Variants in RNF17 observed in about 807,000 individuals in gnomAD.
The protein encoded by RNF17 is ring finger protein 17, also known as spermatogenesis associated 23.
RNF17 carries 31 observed loss-of-function variants against 200.5 expected under a neutral mutation model. The observed-to-expected ratio is 0.15, with a 90% CI of 0.12 to 0.21. The LOEUF (loss-of-function observed/expected upper bound fraction) is 0.21, where lower values mean the gene tolerates loss of function less well. Among genes scored for constraint, RNF17 ranks in the 10% least tolerant of loss-of-function variants. The pLI is 1.00. For synonymous variants in RNF17, 606 were observed against 637.8 expected (o/e 0.95, Z 0.75); for missense variants, 1,628 against 1,905.1 (o/e 0.85, Z 2.71).
chr13:24,749,916 AT>A, the RNF17 span, among the ~76,000 whole-genome samples: 1 of 151,934 alleles, frequency 6.6e-6, no homozygotes, highest in South Asian at 2.1e-4. Context: ...CACCCAGCTA[AT>A]TTTTTTGTAT....
At chr13:24,838,723 G>A (rs1890283738) in intron 18 of RNF17, among the ~76,000 whole-genome samples, 1 of 152,118 alleles carries the variant, frequency 6.6e-6, no homozygotes, top group Non-Finnish European at 1.5e-5. Flanking sequence ...AATTCTGAAT[G>A]GGGAAAAGTT....
chr13:24,883,242 A>ACTT, downstream of RNF17: 2 of 1,614,080 alleles, frequency 1.2e-6, no homozygotes, highest in Admixed American at 1.7e-5. Flanking sequence ...CCGGATCTGT[A>ACTT]CTTCGTTTCT....
intron 6 of RNF17, among the ~76,000 whole-genome samples, chr13:24,783,946 T>TAAA (rs1882767591): frequency 6.6e-6 from 1 of 152,240 alleles, no homozygotes; most frequent in African/African-American, 2.4e-5. Context: ...GTACGTCTTG[T>TAAA]GCCTAATGTT....
chr13:24,764,235 C>G lies in RNF17; in HGVS notation c.32C>G (p.Ser11Cys), dbSNP rs935582605. 3.7e-6 allele frequency: 6 copies of G among 1,607,118 alleles called. No homozygotes were observed. Among genetic ancestry groups the G allele is most frequent in the Middle Eastern group, 1.7e-4 (1 of 6,032 alleles). ...GCAGAGGCTTCGAAGACTGGGCCTT[C>G]TAGGTCTTCCTACCAGCGAATGGGG... MAAEASKTGP[S>C]RSSYQRMGRK... The change falls in exon 1 of 36, where the codon TCT (serine) becomes TGT (cysteine). Residue 11 changes from serine (S) to cysteine (C), a missense_variant. By Grantham distance (112) the Ser-to-Cys change is moderately radical (BLOSUM62 -1). Coordinates refer to ENST00000255324, the MANE Select transcript of RNF17 (RefSeq NM_031277.3).
chr13:24,795,594 C>T (rs996573662), intron 10 of RNF17, among the ~76,000 whole-genome samples: 1 of 152,268 alleles, frequency 6.6e-6, no homozygotes, highest in East Asian at 1.9e-4. Flanking sequence ...ACGCATTCCC[C>T]TAAATGCTGC....
intron 33 of RNF17, among the ~76,000 whole-genome samples, chr13:24,876,555 G>T (rs1224861029): frequency 4.6e-5 from 7 of 152,212 alleles, no homozygotes; most frequent in Non-Finnish European, 1.0e-4. Context: ...GTGCGCAAAG[G>T]TTCCAATTCC....
intron 19 of RNF17, among the ~76,000 whole-genome samples, chr13:24,842,979 T>G (rs1284217012): frequency 6.6e-6 from 1 of 150,470 alleles, no homozygotes; most frequent in Non-Finnish European, 1.5e-5. Context: ...AGAGCAAGAC[T>G]CTGTCTAAAA....
chr13:24,750,235 C>T, the RNF17 span, among the ~76,000 whole-genome samples: 41 of 152,188 alleles, frequency 2.7e-4, no homozygotes, highest in Admixed American at 2.7e-3. Context: ...CACACTGTGG[C>T]CTGTCAGAGA....
intron 22 of RNF17, 147 bp downstream of exon 22, chr13:24,845,226 C>T (rs547305004): frequency 3.0e-5 from 17 of 563,318 alleles, no homozygotes; most frequent in African/African-American, 3.8e-5. Flanking sequence ...GTTTGGAGCA[C>T]GTAAATTTAG....
intron 34 of RNF17, among the ~76,000 whole-genome samples, chr13:24,878,339 A>AT (rs958123786): frequency 6.6e-6 from 1 of 152,212 alleles, no homozygotes; most frequent in African/African-American, 2.4e-5. Flanking sequence ...ATAGATAGGT[A>AT]TTTTTTCACT....
At chr13:24,751,918 C>T in the RNF17 span, 1 of 152,134 alleles carries the variant, frequency 6.6e-6, no homozygotes, top group East Asian at 1.9e-4. Context: ...CCAACTATAC[C>T]TAACGAGCCA....
chr13:24,798,347 C>T (rs1884850057), intron 11 of RNF17, among the ~76,000 whole-genome samples: 1 of 152,076 alleles, frequency 6.6e-6, no homozygotes. Context: ...TATTTTAAAA[C>T]TAAGAATGTT....
downstream of RNF17, chr13:24,884,050 G>T: frequency 6.2e-7 from 1 of 1,613,796 alleles, no homozygotes; most frequent in Non-Finnish European, 8.5e-7. Flanking sequence ...GTCAGGAAAC[G>T]TGATTTCTTT....
the RNF17 span, chr13:24,751,487 TG>T: frequency 1.3e-5 from 2 of 152,086 alleles, no homozygotes; most frequent in Non-Finnish European, 2.9e-5. Flanking sequence ...TCCATTTCGG[TG>T]GTAGGCTTCA....
intron 15 of RNF17, among the ~76,000 whole-genome samples, chr13:24,813,476 G>A (rs1346384342): frequency 6.6e-6 from 1 of 152,024 alleles, no homozygotes; most frequent in Non-Finnish European, 1.5e-5. Context: ...TTTTGTAATT[G>A]GGTTGTTTAT....
chr13:24,781,487 T>A, intron 5 of RNF17, among the ~76,000 whole-genome samples: 1 of 151,014 alleles, frequency 6.6e-6, no homozygotes, highest in Non-Finnish European at 1.5e-5. Context: ...AAAAAAAAAA[T>A]TAGTTGGACA....
At chr13:24,888,523 T>TA in the RNF17 span, among the ~76,000 whole-genome samples, 7 of 152,142 alleles carry the variant, frequency 4.6e-5, no homozygotes, top group South Asian at 2.1e-4. Context: ...GCCAAAATGT[T>TA]AAAGTCTGGC....
In RNF17 at chr13:24,813,246, A is replaced by G. The variant is rs117014481; in HGVS notation, c.2091+8817A>G. On this transcript the variant is annotated intron_variant, in intron 15 of 35. Transcript: ENST00000255324. The stretch of plus-strand genomic sequence containing the variant: ...TGATTGTAAGCTCACTGCAGCCTCA[A>G]TCTCCTAGGCTCAAGGGATCCTCTA... 5.4e-3 allele frequency among the ~76,000 whole-genome samples: 818 copies of G among 152,026 alleles called. 22 individuals carry two copies. The East Asian group carries it at 0.082, about 15-fold the overall frequency.
At chr13:24,858,352 T>A (rs1325877777) in intron 25 of RNF17, among the ~76,000 whole-genome samples, 1 of 152,170 alleles carries the variant, frequency 6.6e-6, no homozygotes, top group Non-Finnish European at 1.5e-5. Flanking sequence ...TGCCAGGCAG[T>A]GTGCTGGATG....
Sources: allele counts gnomAD v4.1 joint callset (sites outside exome capture counted in the v4.1 genomes callset), GRCh38; gene constraint gnomAD v4.1.1; transcripts MANE v1.5; gene names NCBI Gene and HGNC (gene_info 2026-07-23, HGNC 2026-07-21).